The following WDR47 variants were observed in gnomAD, a reference collection of about 807,000 sequenced individuals.
WDR47 encodes WD repeat domain 47, also known as WD repeat-containing protein 47.
Under a neutral mutation model 97.2 loss-of-function variants are expected in WDR47, and 32 were observed. That is an observed-to-expected ratio of 0.33 (90% CI 0.25 to 0.44). WDR47 has a LOEUF of 0.44. Among genes scored for constraint, WDR47 ranks in the 20% least tolerant of loss-of-function variants. WDR47 has a pLI of 1.00. For synonymous variants in WDR47, 375 were observed against 373.5 expected (o/e 1.00, Z -0.05); for missense variants, 782 against 1,102.3 (o/e 0.71, Z 4.11).
At chr1:108,978,266 G>C (rs538446676) in intron 13 of WDR47, among the ~76,000 whole-genome samples, 16 of 151,668 alleles carry the variant, frequency 1.1e-4, no homozygotes, top group Non-Finnish European at 2.2e-4. Context: ...ACGAGGTCAG[G>C]AGATCGAGAC....
intron 2 of WDR47, among the ~76,000 whole-genome samples, chr1:109,018,118 A>G (rs1431694552): frequency 6.6e-6 from 1 of 152,070 alleles, no homozygotes; most frequent in Admixed American, 6.6e-5. Context: ...GCAACCACTC[A>G]TACTAACTAT....
chr1:109,017,081 T>C (rs1661471250), intron 3 of WDR47, among the ~76,000 whole-genome samples: 1 of 152,192 alleles, frequency 6.6e-6, no homozygotes, highest in Admixed American at 6.6e-5. Context: ...CCACTGCACA[T>C]CAGCCTGGTG....
rs562327182 is a variant in WDR47 at position 109,031,288 on chromosome 1, T to C, written c.-9-7767A>G. 1.8e-3 allele frequency among the ~76,000 whole-genome samples: 253 copies of C among 140,528 alleles called. 47 individuals carry two copies. The highest frequency in any genetic ancestry group is 3.5e-3 in the Middle Eastern group (1 of 282). 92.2% of individuals were successfully genotyped at this position (140,528 alleles called of 152,430 possible). A position where few individuals can be genotyped will look rare whatever the true frequency, so the allele number is the denominator to read the frequency against. ...ATTACTTTAATTTACCTTCTGGAAC[T>C]GTGAATGATTTTTGGCCAGAAGAAA... On this transcript the variant is annotated intron_variant, in intron 1 of 14. Coordinates refer to ENST00000369962, the MANE Select transcript of WDR47 (RefSeq NM_001142551.2).
intron 13 of WDR47, among the ~76,000 whole-genome samples, chr1:108,976,451 T>C (rs1432087574): frequency 6.6e-6 from 1 of 151,648 alleles, no homozygotes; most frequent in Non-Finnish European, 1.5e-5. Flanking sequence ...ACGTACAAAG[T>C]TTATAGTGTC....
At chr1:109,016,153 A>G (rs1186036723) in intron 3 of WDR47, among the ~76,000 whole-genome samples, 1 of 152,104 alleles carries the variant, frequency 6.6e-6, no homozygotes, top group Admixed American at 6.6e-5. Flanking sequence ...TTGTAATCCT[A>G]GCACTTTGAG....
chr1:109,022,761 T>C (rs1571238663), intron 2 of WDR47, among the ~76,000 whole-genome samples: 1 of 151,820 alleles, frequency 6.6e-6, no homozygotes, highest in East Asian at 1.9e-4. Context: ...ATTTTTATAT[T>C]TTTAGTAGAG....
chr1:109,029,721 A>T (rs550047817), intron 1 of WDR47, among the ~76,000 whole-genome samples: 123 of 150,228 alleles, frequency 8.2e-4, no homozygotes, highest in Admixed American at 2.1e-3. Flanking sequence ...ATATTTTTTT[A>T]AAAAAATTAC....
intron 1 of WDR47, among the ~76,000 whole-genome samples, chr1:109,028,077 A>G (rs569696486): frequency 3.3e-5 from 5 of 152,372 alleles, no homozygotes; most frequent in African/African-American, 9.6e-5. Flanking sequence ...TGAGATGCAC[A>G]TATAATCATA....
intron 13 of WDR47, among the ~76,000 whole-genome samples, chr1:108,975,955 A>G (rs1174300570): frequency 6.6e-6 from 1 of 152,232 alleles, no homozygotes; most frequent in Non-Finnish European, 1.5e-5. Flanking sequence ...AAGGTAGATC[A>G]GTTTGGCTGG....
intron 3 of WDR47, 60 bp downstream of exon 3, chr1:109,017,458 C>A: frequency 7.0e-7 from 1 of 1,427,254 alleles, no homozygotes; most frequent in South Asian, 1.2e-5. Flanking sequence ...AATTTTTGTT[C>A]ATTGTTTTGC....
intron 1 of WDR47, among the ~76,000 whole-genome samples, chr1:109,038,714 C>T (rs1244428204): frequency 6.6e-6 from 1 of 151,844 alleles, no homozygotes; most frequent in Admixed American, 6.6e-5. Context: ...CAGTGGCTCA[C>T]GCCTGTAATC....
intron 3 of WDR47, 43 bp downstream of exon 3, chr1:109,017,472 GCTT>G: frequency 6.7e-7 from 1 of 1,498,496 alleles, no homozygotes; most frequent in Non-Finnish European, 9.2e-7. Context: ...GTTTTGCTAA[GCTT>G]CTACCAATGA....
intron 1 of WDR47, among the ~76,000 whole-genome samples, chr1:109,036,956 A>G (rs992592612): frequency 6.6e-6 from 1 of 152,162 alleles, no homozygotes; most frequent in African/African-American, 2.4e-5. Flanking sequence ...TACACCTAAA[A>G]TTTCTTTATA....
In WDR47 at chr1:108,983,427, C is replaced by T. The variant is rs554025861; in HGVS notation, c.1950G>A (p.Pro650=). ...GTTTATTCCTTTTAAAACGTACCAC[C>T]GGCTGCTTAGGAGTCTCATGTGCAC... ...DPSAHETPKQ[P]VVRFKRNKHH... The change falls in exon 11 of 15, where the codon CCG becomes CCA. Residue 650 remains proline (P), a synonymous_variant. Coordinates refer to ENST00000369962, the MANE Select transcript of WDR47 (RefSeq NM_001142551.2). 1.3e-4 allele frequency: 215 copies of T among 1,600,846 alleles called. No individual in the cohort carries two copies. In the South Asian group the frequency reaches 2.1e-3, roughly 16 times the overall value.
chr1:108,975,965 G>A (rs1233544019), intron 13 of WDR47, among the ~76,000 whole-genome samples: 1 of 152,140 alleles, frequency 6.6e-6, no homozygotes, highest in Non-Finnish European at 1.5e-5. Flanking sequence ...AGTTTGGCTG[G>A]AGATAAAAGT....
intron 5 of WDR47, among the ~76,000 whole-genome samples, chr1:109,007,755 GGT>G (rs1248051990): frequency 6.6e-6 from 1 of 152,148 alleles, no homozygotes; most frequent in East Asian, 1.9e-4. Context: ...ACTTTCCCAA[GGT>G]CACACAGCCA....
intron 8 of WDR47, among the ~76,000 whole-genome samples, chr1:108,993,222 A>G (rs1242216538): frequency 2.0e-5 from 3 of 151,964 alleles, no homozygotes; most frequent in African/African-American, 7.3e-5. Context: ...CTAGTAGGGT[A>G]GCTTAGGCAC....
chr1:108,988,793 T>TACTGC lies in WDR47; in HGVS notation c.1768-2118_1768-2114dup, dbSNP rs1282468522. Among the ~76,000 whole-genome samples the TACTGC allele has an allele frequency of 8.5e-5, 13 of 152,290 alleles. No homozygotes were observed. The East Asian group carries it at 2.5e-3, about 29-fold the overall frequency. On this transcript the variant is annotated intron_variant, in intron 9 of 14. Transcript: ENST00000369962. ...TTTTTTTTGAGATGGAGTATCGCTCTACTGCTCAGGCTGGAGTGCGGTGGC... is the reference window on the plus strand; with the variant it reads ...TTTTTTTTGAGATGGAGTATCGCTCTACTGCACTGCTCAGGCTGGAGTGCGGTGGC...
rs201283135 is a variant in WDR47, at chr1:108,993,802, TAC to T, written c.1691+1776_1691+1777del. ...GATTTTATAATTCTGTCAAAGCACTTACAGATAGTTTAGTGATAAATATTAAG... is the reference window on the plus strand; with the variant it reads ...GATTTTATAATTCTGTCAAAGCACTTAGATAGTTTAGTGATAAATATTAAG... On this transcript the variant is annotated intron_variant, in intron 8 of 14. Coordinates refer to ENST00000369962, the MANE Select transcript of WDR47 (RefSeq NM_001142551.2). Among the ~76,000 whole-genome samples, 1,311 of 152,282 alleles carry T rather than the reference TAC, an allele frequency of 8.6e-3. 33 individuals are homozygous for T. Among genetic ancestry groups the T allele is most frequent in the East Asian group, 0.06 (312 of 5,184 alleles).
Sources: allele counts gnomAD v4.1 joint callset (sites outside exome capture counted in the v4.1 genomes callset), GRCh38; gene constraint gnomAD v4.1.1; transcripts MANE v1.5; gene names NCBI Gene and HGNC (gene_info 2026-07-23, HGNC 2026-07-21).